Variants in AKAP8 observed in about 807,000 individuals in gnomAD.
AKAP8 encodes the protein A-kinase anchor protein 8.
Under a neutral mutation model 67.5 loss-of-function variants are expected in AKAP8, and 24 were observed. That is an observed-to-expected ratio of 0.36 (90% CI 0.26 to 0.50). AKAP8 has a LOEUF of 0.50. AKAP8 is among the 20% of genes least tolerant of loss of function. The pLI, the probability that AKAP8 is intolerant of heterozygous loss-of-function variation, is 0.97. For synonymous variants in AKAP8, 400 were observed against 371.1 expected, an observed-to-expected ratio of 1.08 and a Z score of -0.90; for missense variants, 971 against 955.9, an observed-to-expected ratio of 1.02 and a Z score of -0.21.
At chr19:15,366,100 A>T (rs72994057) in intron 9 of AKAP8, among the ~76,000 whole-genome samples, 20,765 of 72,978 alleles carry the variant, frequency 0.28, 2,337 homozygotes, top group Non-Finnish European at 0.35. Flanking sequence ...TTTTTTTTTT[A>T]AAAAAAGTCA....
chr19:15,353,928 TTATATATA>T lies in AKAP8; in HGVS notation c.*979_*986del, dbSNP rs35132731. The T allele has an allele frequency of 6.7e-6, 1 of 148,898 alleles. No individual in the cohort carries two copies. The highest frequency in any genetic ancestry group is 2.5e-5 in the African/African-American group (1 of 40,676). 9.2% of individuals were successfully genotyped at this position (148,898 alleles called of 1,614,324 possible). A position where few individuals can be genotyped will look rare whatever the true frequency, so the allele number is the denominator to read the frequency against. ...TCTAAAATGAAACATATATTTCATT[TTATATATA>T]TATATATATATTACAGATACCTTCT... On this transcript the variant is annotated 3_prime_UTR_variant, in exon 14 of 14. Coordinates refer to ENST00000269701, the MANE Select transcript of AKAP8 (RefSeq NM_005858.4).
chr19:15,361,135 A>G (rs551488578), intron 11 of AKAP8, among the ~76,000 whole-genome samples, 157 bp from the exon 12 acceptor site: 1 of 152,272 alleles, frequency 6.6e-6, no homozygotes, highest in South Asian at 2.1e-4. Flanking sequence ...ATCGGCCTCT[A>G]TAGCTGTGAA....
In AKAP8 at chr19:15,354,720, CCTGGGCAAGAAGCCACA is replaced by C. The variant is rs1369269557; in HGVS notation, c.*178_*194del. Reference sequence around the variant, plus strand: ...AGGACAATGTACTTCAGCTTTGAAACCTGGGCAAGAAGCCACACGACTGCATGAGACAAGCCGTGAGA... The same window carrying C: ...AGGACAATGTACTTCAGCTTTGAAACCGACTGCATGAGACAAGCCGTGAGA... On this transcript the variant is annotated 3_prime_UTR_variant, in exon 14 of 14. Coordinates refer to ENST00000269701, the MANE Select transcript of AKAP8 (RefSeq NM_005858.4). 4.8e-6 allele frequency: 3 copies of C among 626,680 alleles called. No individual in the cohort carries two copies. Among genetic ancestry groups the C allele is most frequent in the Non-Finnish European group, 8.3e-6 (3 of 362,966 alleles). The allele number at this position is 626,680 out of a possible 1,614,324, so 38.8% of individuals were successfully genotyped here.
chr19:15,359,849 TG>T (rs777008631), intron 12 of AKAP8, among the ~76,000 whole-genome samples: 1 of 151,656 alleles, frequency 6.6e-6, no homozygotes, highest in Non-Finnish European at 1.5e-5. Flanking sequence ...TTAACAGTAC[TG>T]GGGCTGGGTG....
At chr19:15,373,689 C>A in intron 4 of AKAP8, 97 bp downstream of exon 4, 1 of 1,387,126 alleles carries the variant, frequency 7.2e-7, no homozygotes, top group Non-Finnish European at 9.6e-7. Context: ...AAGAGGGAGG[C>A]GGGGACAGGC....
chr19:15,373,213 C>T lies in AKAP8; in HGVS notation c.499G>A (p.Gly167Arg), dbSNP rs142229471. ...DLGSDRNGSF[G>R]GQYSECRDPA... The stretch of plus-strand genomic sequence containing the variant: ...TCTCGGCATTCACTGTACTGCCCCC[C>T]AAAGCTGCCATTGCGGTCGGACCCC... The change falls in exon 5 of 14, where the codon GGG becomes AGG. Residue 167 changes from glycine to arginine, a missense_variant. Physicochemically the swap from Gly to Arg is moderately radical, Grantham distance 125. Coordinates refer to ENST00000269701, the MANE Select transcript of AKAP8 (RefSeq NM_005858.4). 189 of 1,613,786 alleles carry T rather than the reference C, an allele frequency of 1.2e-4. 1 individual carries two copies. The highest frequency in any genetic ancestry group is 1.5e-4 in the Non-Finnish European group (181 of 1,180,026).
chr19:15,356,144 T>G (rs2048276963), intron 13 of AKAP8, among the ~76,000 whole-genome samples: 1 of 151,828 alleles, frequency 6.6e-6, no homozygotes, highest in African/African-American at 2.4e-5. Flanking sequence ...CTCACACCTG[T>G]AATCCCAGCA....
chr19:15,377,457 G>A (rs1967272693), intron 1 of AKAP8, among the ~76,000 whole-genome samples: 1 of 152,176 alleles, frequency 6.6e-6, no homozygotes, highest in African/African-American at 2.4e-5. Flanking sequence ...ATCTTTCTAA[G>A]CTGCACTTCC....
At position 15,370,137 on chromosome 19, in the gene AKAP8, G is replaced by A. The variant is rs1290101860; in HGVS notation, c.1072+9C>T. The stretch of plus-strand genomic sequence containing the variant: ...ACAGGAAAGCTGCAAGGGACACGGT[G>A]ATGCCTACCTCTTTGCCTCCCAGAG... On this transcript the variant is annotated intron_variant, in intron 8 of 13. Coordinates refer to ENST00000269701, the MANE Select transcript of AKAP8 (RefSeq NM_005858.4). 2 of 1,614,012 alleles carry A rather than the reference G, an allele frequency of 1.2e-6. No homozygotes were observed. Among genetic ancestry groups the A allele is most frequent in the Non-Finnish European group, 1.7e-6 (2 of 1,179,996 alleles).
chr19:15,356,959 T>A (rs1384610776), intron 13 of AKAP8, among the ~76,000 whole-genome samples: 4 of 151,790 alleles, frequency 2.6e-5, no homozygotes, highest in African/African-American at 4.8e-5. Context: ...TGAAACCCCA[T>A]CTCTCTTTTC....
intron 9 of AKAP8, among the ~76,000 whole-genome samples, chr19:15,366,082 GTTTC>G (rs1459978650): frequency 1.7e-5 from 1 of 60,030 alleles, no homozygotes; most frequent in African/African-American, 7.4e-5. Context: ...CACTCTGAAG[GTTTC>G]TTTTTTTTTT....
intron 3 of AKAP8, 124 bp downstream of exon 3, chr19:15,374,479 G>C: frequency 8.3e-7 from 1 of 1,202,604 alleles, no homozygotes; most frequent in South Asian, 1.5e-5. Flanking sequence ...AGCCGTGGCT[G>C]ACTGCGTCCT....
chr19:15,361,491 C>T, intron 11 of AKAP8: 1 of 402,482 alleles, frequency 2.5e-6, no homozygotes, highest in Non-Finnish European at 4.6e-6. Flanking sequence ...GCTGGGACTA[C>T]AGGTGCCCGC....
chr19:15,378,198 T>C (rs1252761317), intron 1 of AKAP8, among the ~76,000 whole-genome samples: 9 of 152,218 alleles, frequency 5.9e-5, no homozygotes, highest in Non-Finnish European at 1.5e-5. Flanking sequence ...TTTTGCCCTC[T>C]GCTATGCTAC....
chr19:15,361,548 T>C, intron 11 of AKAP8, 181 bp downstream of exon 11: 1 of 531,626 alleles, frequency 1.9e-6, no homozygotes, highest in Non-Finnish European at 3.4e-6. Flanking sequence ...GAGACGGGGT[T>C]TCACCGTGTC....
At chr19:15,365,303 A>C (rs1440947140) in intron 9 of AKAP8, among the ~76,000 whole-genome samples, 5 of 152,244 alleles carry the variant, frequency 3.3e-5, no homozygotes. Flanking sequence ...CCATGAGACT[A>C]CACGTAAAGA....
At chr19:15,361,554 G>A (rs1053185503) in intron 11 of AKAP8, 175 bp downstream of exon 11, 13 of 547,826 alleles carry the variant, frequency 2.4e-5, no homozygotes, top group African/African-American at 1.2e-4. Flanking sequence ...GGGTTTCACC[G>A]TGTCAGACAG....
In AKAP8 at chr19:15,374,042, C is replaced by T. The variant is rs749177199; in HGVS notation, c.115G>A (p.Gly39Ser). The change falls in exon 4 of 14, where the codon GGC becomes AGC. Residue 39 changes from glycine to serine, a missense_variant. Gly to Ser is a moderately conservative substitution (Grantham distance 56, BLOSUM62 0). Around this residue, in one of 3 missense-constraint regions of AKAP8, gnomAD observed 763 missense variants for 745.4 expected, o/e 1.02. Coordinates refer to ENST00000269701, the MANE Select transcript of AKAP8 (RefSeq NM_005858.4). ...WQGYENYNYY[G>S]AQNTSVTTGA... Reference sequence around the variant, plus strand: ...GTGGTGACACTGGTGTTCTGGGCGCCATAGTAATTGTAGTTTTCATAACCT... The same window carrying T: ...GTGGTGACACTGGTGTTCTGGGCGCTATAGTAATTGTAGTTTTCATAACCT... 5 of 1,574,816 alleles carry T rather than the reference C, an allele frequency of 3.2e-6. No homozygotes were observed. The highest frequency in any genetic ancestry group is 4.3e-6 in the Non-Finnish European group (5 of 1,164,508).
chr19:15,366,081 G>A (rs1242207767), intron 9 of AKAP8, among the ~76,000 whole-genome samples: 1 of 75,604 alleles, frequency 1.3e-5, no homozygotes, highest in Admixed American at 1.7e-4. Context: ...ACACTCTGAA[G>A]GTTTCTTTTT....
Sources: allele counts gnomAD v4.1 joint callset (sites outside exome capture counted in the v4.1 genomes callset), GRCh38; gene constraint gnomAD v4.1.1; regional missense constraint gnomAD v4.1.1; transcripts MANE v1.5; gene names NCBI Gene and HGNC (gene_info 2026-07-23, HGNC 2026-07-21).